CMTM4: variants seen among roughly 807,000 people sequenced by gnomAD.
CMTM4 encodes the protein CKLF-like MARVEL transmembrane domain-containing protein 4.
Under a neutral mutation model 19.0 loss-of-function variants are expected in CMTM4, and 8 were observed. That is an observed-to-expected ratio of 0.42 (90% CI 0.25 to 0.76). The LOEUF is 0.76. Ranked by LOEUF, CMTM4 falls within the 30% of genes least tolerant of loss-of-function variation. The pLI, the probability that CMTM4 is intolerant of heterozygous loss-of-function variation, is 0.27. For missense variants in CMTM4, 228 were observed against 290.2 expected (o/e 0.79, Z 1.56); for synonymous variants, 106 against 121.1 (o/e 0.88, Z 0.82).
At chr16:66,609,514 C>A in the CMTM4 span, 1 of 1,603,700 alleles carries the variant, frequency 6.2e-7, no homozygotes, top group Non-Finnish European at 8.5e-7. The surrounding 1 kb of genome is among the most constrained non-coding windows in gnomAD (Gnocchi z 4.4). Context: ...TCGGATGGGG[C>A]TTCCAAAGCC....
the CMTM4 span, among the ~76,000 whole-genome samples, chr16:66,606,300 A>T: frequency 0.012 from 1,870 of 152,076 alleles, 35 homozygotes; most frequent in African/African-American, 0.037. Flanking sequence ...AAAAAACAGG[A>T]ATTGAGAGGG....
chr16:66,645,969 A>C (rs1217416236), intron 1 of CMTM4, among the ~76,000 whole-genome samples: 1 of 152,160 alleles, frequency 6.6e-6, no homozygotes, highest in African/African-American at 2.4e-5. Context: ...ACAGAGCGAG[A>C]CTCTGTCTCA....
intron 1 of CMTM4, among the ~76,000 whole-genome samples, chr16:66,660,098 A>G (rs1393874239): frequency 1.3e-5 from 2 of 152,166 alleles, no homozygotes; most frequent in Non-Finnish European, 2.9e-5. Flanking sequence ...TGCAAATTAA[A>G]ACTACAAGGC....
chr16:66,691,212 A>G (rs1006034888), intron 1 of CMTM4, among the ~76,000 whole-genome samples: 4 of 152,222 alleles, frequency 2.6e-5, no homozygotes, highest in African/African-American at 9.7e-5. Context: ...GGGCTCAAGA[A>G]AGGGATGTGG....
intron 2 of CMTM4, among the ~76,000 whole-genome samples, chr16:66,635,335 T>C (rs571975360): frequency 2.0e-5 from 3 of 152,342 alleles, no homozygotes; most frequent in Admixed American, 6.5e-5. Flanking sequence ...TCAACTGATA[T>C]CTACTTTTCT....
At chr16:66,667,608 G>A (rs1247007668) in intron 1 of CMTM4, among the ~76,000 whole-genome samples, 2 of 152,100 alleles carry the variant, frequency 1.3e-5, no homozygotes, top group East Asian at 3.9e-4. Context: ...AAGAAAAAAG[G>A]GCCGAGTGCG....
chr16:66,655,518 CGTGTGTGTGTGTGTGT>C (rs72390418), intron 1 of CMTM4, among the ~76,000 whole-genome samples: 1 of 148,024 alleles, frequency 6.8e-6, no homozygotes, highest in African/African-American at 2.5e-5. Context: ...AGGACAGAAA[CGTGTGTGTGTGTGTGT>C]GTGTGTGTGT....
the CMTM4 span, chr16:66,608,214 A>G: frequency 7.1e-7 from 1 of 1,400,786 alleles, no homozygotes; most frequent in Non-Finnish European, 9.8e-7. The surrounding 1 kb of genome is among the most constrained non-coding windows in gnomAD (Gnocchi z 5.1). Flanking sequence ...CCCTGCTGGA[A>G]CCTCCTCTAT....
chr16:66,649,448 C>CTCTA (rs759975495), intron 1 of CMTM4, among the ~76,000 whole-genome samples: 3 of 122,958 alleles, frequency 2.4e-5, no homozygotes, highest in East Asian at 2.3e-4. Context: ...GATTCCTTCT[C>CTCTA]TCTATCTATC....
chr16:66,685,478 G>T (rs765347450), intron 1 of CMTM4, among the ~76,000 whole-genome samples: 1 of 152,012 alleles, frequency 6.6e-6, no homozygotes, highest in Non-Finnish European at 1.5e-5. Flanking sequence ...CACGTGTGGT[G>T]CAGCTCAAGT....
chr16:66,656,049 G>A (rs2016392620), intron 1 of CMTM4, among the ~76,000 whole-genome samples: 1 of 152,144 alleles, frequency 6.6e-6, no homozygotes, highest in Non-Finnish European at 1.5e-5. Flanking sequence ...AGGCTGCAGT[G>A]AGCTATGATT....
At chr16:66,630,324 C>G (rs1244018805) in intron 2 of CMTM4, among the ~76,000 whole-genome samples, 2 of 105,172 alleles carry the variant, frequency 1.9e-5, no homozygotes, top group East Asian at 3.7e-4. Context: ...CCCCCTCCCC[C>G]CTCCCTCTCC....
Position 66,636,420 on chromosome 16 carries a change from G to C in CMTM4, c.348C>G (p.Ile116Met), listed in dbSNP as rs538611925. 1.9e-5 allele frequency: 30 copies of C among 1,614,018 alleles called. No homozygotes were observed. In the South Asian group the frequency reaches 3.3e-4, roughly 18 times the overall value. The change falls in exon 2 of 4, where the codon ATC becomes ATG. Residue 116 changes from isoleucine (I) to methionine (M), a missense_variant. Ile to Met is a conservative substitution (Grantham distance 10, BLOSUM62 1). Around this residue, in one of 3 missense-constraint regions of CMTM4, gnomAD observed 200 missense variants for 226.6 expected, o/e 0.88. Coordinates refer to ENST00000394106, the MANE Select transcript of CMTM4 (RefSeq NM_181521.3). Reference protein sequence around the residue: ...SLNLHMRIPQINWNLTDLVNT... With the variant: ...SLNLHMRIPQMNWNLTDLVNT... ...TTGTACTCACTGTCAGATTCCAGTTGATCTGGGGGATCCTCATGTGCAGGT... is the reference window on the plus strand; with the variant it reads ...TTGTACTCACTGTCAGATTCCAGTTCATCTGGGGGATCCTCATGTGCAGGT...
At chr16:66,630,480 A>G (rs2015832653) in intron 2 of CMTM4, among the ~76,000 whole-genome samples, 2 of 151,836 alleles carry the variant, frequency 1.3e-5, no homozygotes, top group South Asian at 2.1e-4. Context: ...CTGGGATTGC[A>G]GGCGCGCGCC....
chr16:66,662,369 A>G (rs2016513640), intron 1 of CMTM4, among the ~76,000 whole-genome samples: 2 of 152,180 alleles, frequency 1.3e-5, no homozygotes, highest in South Asian at 4.1e-4. Flanking sequence ...TCAAACCCAG[A>G]AAAACCCAGA....
In CMTM4 at chr16:66,671,627, C is replaced by A. The variant is rs77769086; in HGVS notation, c.186+24713G>T. Among the ~76,000 whole-genome samples the A allele has an allele frequency of 6.4e-3, 972 of 152,264 alleles. 5 individuals are homozygous for A. Among genetic ancestry groups the A allele is most frequent in the Non-Finnish European group, 0.011 (743 of 68,024 alleles). On this transcript the variant is annotated intron_variant, in intron 1 of 3. Transcript: ENST00000394106. Reference sequence around the variant, plus strand: ...TTACACAGCTTGTCATGCTCAGAATCCTTAGCACACAAGAGGAGTGGGCAC... The same window carrying A: ...TTACACAGCTTGTCATGCTCAGAATACTTAGCACACAAGAGGAGTGGGCAC...
At chr16:66,678,795 C>G (rs1196296053) in intron 1 of CMTM4, among the ~76,000 whole-genome samples, 2 of 152,150 alleles carry the variant, frequency 1.3e-5, no homozygotes, top group Non-Finnish European at 2.9e-5. Context: ...TTGTATGAGT[C>G]ATGATTTTAT....
intron 2 of CMTM4, among the ~76,000 whole-genome samples, chr16:66,631,027 G>A (rs1228828666): frequency 6.8e-5 from 10 of 147,494 alleles, no homozygotes; most frequent in Admixed American, 3.4e-4. Context: ...CCCGGCGGCC[G>A]CCCCATCTGA....
intron 1 of CMTM4, among the ~76,000 whole-genome samples, chr16:66,660,737 A>AG (rs1254250343): frequency 1.3e-5 from 2 of 152,222 alleles, no homozygotes; most frequent in Non-Finnish European, 2.9e-5. Context: ...TAAAAAAATA[A>AG]CTGCAAGCTG....
Sources: allele counts gnomAD v4.1 joint callset (sites outside exome capture counted in the v4.1 genomes callset), GRCh38; gene constraint gnomAD v4.1.1; regional missense constraint gnomAD v4.1.1; non-coding constraint Gnocchi (gnomAD v3.1); transcripts MANE v1.5; gene names NCBI Gene and HGNC (gene_info 2026-07-23, HGNC 2026-07-21).